Variants in TMTC3 observed in about 807,000 individuals in gnomAD.
The protein encoded by TMTC3 is protein O-mannosyl-transferase TMTC3.
TMTC3 carries 52 observed loss-of-function variants against 92.2 expected under a neutral mutation model. The ratio of observed to expected loss-of-function variants is 0.56; its 90% confidence interval spans 0.45 to 0.71. The LOEUF is 0.71. TMTC3 is among the 30% of genes least tolerant of loss of function. The pLI is 0.00. For synonymous variants in TMTC3, 339 were observed against 363.3 expected (o/e 0.93, Z 0.76); for missense variants, 896 against 1,057.1 (o/e 0.85, Z 2.11).
At chr12:88,167,509 T>C (rs557212022) in intron 7 of TMTC3, among the ~76,000 whole-genome samples, 1 of 152,334 alleles carries the variant, frequency 6.6e-6, no homozygotes, top group Admixed American at 6.5e-5. Flanking sequence ...GATACATAAT[T>C]TTTTGCTGTA....
intron 8 of TMTC3, among the ~76,000 whole-genome samples, chr12:88,174,360 A>G (rs2041236650): frequency 6.6e-6 from 1 of 152,108 alleles, no homozygotes; most frequent in African/African-American, 2.4e-5. Context: ...TTTATTTTAA[A>G]CAGAGCTTTT....
intron 1 of TMTC3, 81 bp from the exon 2 acceptor site, chr12:88,148,207 C>A: frequency 1.2e-6 from 1 of 803,230 alleles, no homozygotes; most frequent in Non-Finnish European, 2.0e-6. Flanking sequence ...AATTAATATG[C>A]AATTACTTAC....
intron 4 of TMTC3, among the ~76,000 whole-genome samples, chr12:88,155,471 A>T (rs2040996101): frequency 6.6e-6 from 1 of 152,128 alleles, no homozygotes; most frequent in African/African-American, 2.4e-5. Context: ...TCAGGCTCTC[A>T]ATTACCTGTC....
intron 7 of TMTC3, among the ~76,000 whole-genome samples, chr12:88,171,906 G>A (rs954272710): frequency 9.2e-5 from 14 of 152,064 alleles, no homozygotes; most frequent in African/African-American, 2.4e-4. Context: ...ACAGGTGTGC[G>A]ATGACATCTC....
At chr12:88,171,624 C>A (rs892996215) in intron 7 of TMTC3, among the ~76,000 whole-genome samples, 8 of 152,184 alleles carry the variant, frequency 5.3e-5, no homozygotes, top group African/African-American at 1.9e-4. Flanking sequence ...TAGGTTGTTC[C>A]CATATCTTGG....
chr12:88,171,440 G>T (rs77839676), intron 7 of TMTC3, among the ~76,000 whole-genome samples: 1 of 152,028 alleles, frequency 6.6e-6, no homozygotes, highest in Admixed American at 6.6e-5. Flanking sequence ...CTACATACAA[G>T]TGAGATCATG....
At chr12:88,188,088 A>T (rs779800684) in intron 10 of TMTC3, among the ~76,000 whole-genome samples, 64 of 152,308 alleles carry the variant, frequency 4.2e-4, no homozygotes, top group Non-Finnish European at 7.4e-4. Context: ...TTTTAAAAAA[A>T]TCTAAAATTA....
chr12:88,162,626 T>A (rs958338752), intron 6 of TMTC3, among the ~76,000 whole-genome samples: 1 of 152,174 alleles, frequency 6.6e-6, no homozygotes, highest in Non-Finnish European at 1.5e-5. Flanking sequence ...CAGAAGGAAG[T>A]CTGATTTGAG....
intron 7 of TMTC3, among the ~76,000 whole-genome samples, chr12:88,170,451 A>C (rs759323589): frequency 1.3e-5 from 2 of 152,112 alleles, no homozygotes; most frequent in Admixed American, 1.3e-4. Context: ...AGTGAATTCT[A>C]TGCACTCTTA....
At chr12:88,184,087 C>A (rs1306427478) in intron 10 of TMTC3, among the ~76,000 whole-genome samples, 1 of 152,156 alleles carries the variant, frequency 6.6e-6, no homozygotes, top group Non-Finnish European at 1.5e-5. Context: ...AAGAAGTACA[C>A]TGACACAGGA....
In TMTC3 at chr12:88,196,287, T is replaced by C. The variant is rs940972489; in HGVS notation, c.*638T>C. 2 of 152,536 alleles carry C rather than the reference T, an allele frequency of 1.3e-5. No homozygotes were observed. Among genetic ancestry groups the C allele is most frequent in the African/African-American group, 2.4e-5 (1 of 41,464 alleles). The allele number at this position is 152,536 out of a possible 1,614,324, so 9.4% of individuals were successfully genotyped here. On this transcript the variant is annotated 3_prime_UTR_variant, in exon 14 of 14. Coordinates refer to ENST00000266712, the MANE Select transcript of TMTC3 (RefSeq NM_181783.4). The stretch of plus-strand genomic sequence containing the variant: ...AATGTAATTTTTAATCAGGTAAAGT[T>C]TGACACATGTATAGCTACATACACA...
Position 88,198,546 on chromosome 12 carries a change from T to G in TMTC3, c.*2897T>G, listed in dbSNP as rs929381081. The G allele has an allele frequency of 8.8e-5, 35 of 396,114 alleles. No individual in the cohort carries two copies. The highest frequency in any genetic ancestry group is 4.1e-4 in the South Asian group (3 of 7,288). The allele number at this position is 396,114 out of a possible 1,614,324, so 24.5% of individuals were successfully genotyped here. On this transcript the variant is annotated 3_prime_UTR_variant, in exon 14 of 14. Coordinates refer to ENST00000266712, the MANE Select transcript of TMTC3 (RefSeq NM_181783.4). ...TGGGAATATTAATTTTTCCAGTGAG[T>G]AGTTTTCTGAAATTGGTAACTTGGA...
intron 3 of TMTC3, 140 bp from the exon 4 acceptor site, chr12:88,154,148 C>A: frequency 1.7e-6 from 1 of 591,720 alleles, no homozygotes. Context: ...AAATTCACCA[C>A]CTGAGGGCAC....
chr12:88,187,968 C>T (rs2138435361), intron 10 of TMTC3, among the ~76,000 whole-genome samples: 1 of 152,212 alleles, frequency 6.6e-6, no homozygotes, highest in East Asian at 1.9e-4. Flanking sequence ...CATCTCTTTC[C>T]TATTTCAGCT....
chr12:88,170,972 T>A (rs1246062829), intron 7 of TMTC3, among the ~76,000 whole-genome samples: 1 of 152,208 alleles, frequency 6.6e-6, no homozygotes, highest in African/African-American at 2.4e-5. Flanking sequence ...TAGAAATTCT[T>A]GTAGAATGAA....
chr12:88,168,574 TA>T (rs2041171764), intron 7 of TMTC3, among the ~76,000 whole-genome samples: 1 of 152,196 alleles, frequency 6.6e-6, no homozygotes, highest in African/African-American at 2.4e-5. Context: ...CGTACTCAGC[TA>T]CTCAGCTGAC....
chr12:88,180,613 G>GT (rs1314658994), intron 10 of TMTC3, among the ~76,000 whole-genome samples: 4 of 152,192 alleles, frequency 2.6e-5, no homozygotes, highest in African/African-American at 9.6e-5. Context: ...CGCAGGTAAT[G>GT]TTTGGGGCTT....
chr12:88,148,222 C>T lies in TMTC3; in HGVS notation c.-28-66C>T. 3.1e-6 allele frequency: 3 copies of T among 975,876 alleles called. No individual in the cohort carries two copies. In the South Asian group the frequency reaches 5.2e-5, roughly 17 times the overall value. The allele number at this position is 975,876 out of a possible 1,614,324, so 60.5% of individuals were successfully genotyped here. A position where few individuals can be genotyped will look rare whatever the true frequency, so the allele number is the denominator to read the frequency against. On this transcript the variant is annotated intron_variant, in intron 1 of 13. Transcript: ENST00000266712. The stretch of plus-strand genomic sequence containing the variant: ...AATTAATATGCAATTACTTACCCAC[C>T]TACTAAAATTGAACTTACTTGGAAT...
rs2041145751 is a variant in TMTC3, at chr12:88,166,532, G to A, written c.1000G>A (p.Gly334Arg). The change falls in exon 7 of 14, where the codon GGA (glycine) becomes AGA (arginine). Residue 334 changes from glycine (G) to arginine (R), a missense_variant. Coordinates refer to ENST00000266712, the MANE Select transcript of TMTC3 (RefSeq NM_181783.4). ...FTFFCFLGML[G>R]VFSIRYSGDS... is the part of the protein sequence containing the mutation. ...TTTCTTTTGTTTTCTGGGGATGTTGGGAGTATTCAGTATCAGATACTCTGG... is the reference window on the plus strand; with the variant it reads ...TTTCTTTTGTTTTCTGGGGATGTTGAGAGTATTCAGTATCAGATACTCTGG... 6.2e-7 allele frequency: 1 copy of A among 1,613,530 alleles called. No homozygotes were observed. Among genetic ancestry groups the A allele is most frequent in the Non-Finnish European group, 8.5e-7 (1 of 1,179,888 alleles).
Sources: allele counts gnomAD v4.1 joint callset (sites outside exome capture counted in the v4.1 genomes callset), GRCh38; gene constraint gnomAD v4.1.1; transcripts MANE v1.5; gene names NCBI Gene and HGNC (gene_info 2026-07-23, HGNC 2026-07-21).